Variants in MECR observed in about 807,000 individuals in gnomAD.
MECR encodes the protein mitochondrial trans-2-enoyl-CoA reductase.
A neutral mutation model predicts 49.1 loss-of-function variants in MECR; 37 were observed. The observed-to-expected ratio is 0.75, with a 90% CI of 0.58 to 0.99. The LOEUF is 0.99. Ranked by LOEUF, MECR falls within the 50% of genes least tolerant of loss-of-function variation. The pLI is 0.00. For missense variants in MECR, 470 were observed against 479.6 expected (o/e 0.98, Z 0.19); for synonymous variants, 198 against 191.1 (o/e 1.04, Z -0.30).
Position 29,216,128 on chromosome 1 carries a change from C to G in MECR, c.283G>C (p.Gly95Arg). 1 of 1,613,638 alleles carries G rather than the reference C, an allele frequency of 6.2e-7. No homozygotes were observed. Among genetic ancestry groups the G allele is most frequent in the African/African-American group, 1.3e-5 (1 of 75,002 alleles). Residue 95 changes from glycine (G) to arginine (R), a missense_variant, in exon 3 of 10, where the codon GGA becomes CGA. Physicochemically the swap from Gly to Arg is moderately radical, Grantham distance 125. Transcript: ENST00000263702. ...ACAGCAGGCAGTTCAGGAAGGAATC[C>G]GTAGTTTCCTGAGGGAGAAGAGCAT... Reference protein sequence around the residue: ...SDINMIQGNYGFLPELPAVGG... With the variant: ...SDINMIQGNYRFLPELPAVGG...
chr1:29,196,850 T>A (rs1281748168), intron 7 of MECR, among the ~76,000 whole-genome samples: 2 of 148,594 alleles, frequency 1.3e-5, no homozygotes, highest in Admixed American at 6.7e-5. Context: ...TAAATAATAA[T>A]AAAAAAAAAT....
Position 29,201,191 on chromosome 1 carries a change from G to A in MECR, c.757-602C>T, listed in dbSNP as rs1437438263. On this transcript the variant is annotated intron_variant, in intron 6 of 9. Coordinates refer to ENST00000263702, the MANE Select transcript of MECR (RefSeq NM_016011.5). The surrounding 1 kb of genome is among the most constrained non-coding windows in gnomAD (Gnocchi z 4.3). ...GGGAAAGAATAGGCAAAGGGCATCT[G>A]CATGCAGTTTGGTGGGTTTCAGCTC... Among the ~76,000 whole-genome samples, 1 of 152,260 alleles carries A rather than the reference G, an allele frequency of 6.6e-6. No homozygotes were observed. Among genetic ancestry groups the A allele is most frequent in the Non-Finnish European group, 1.5e-5 (1 of 68,050 alleles).
At chr1:29,195,642 T>A (rs778451919) in intron 9 of MECR, among the ~76,000 whole-genome samples, 1 of 152,214 alleles carries the variant, frequency 6.6e-6, no homozygotes, top group Non-Finnish European at 1.5e-5. Flanking sequence ...GGAAGCAGAA[T>A]TTGAACCCAG....
At chr1:29,175,686 C>T in the MECR span, among the ~76,000 whole-genome samples, 3 of 72,830 alleles carry the variant, frequency 4.1e-5, no homozygotes, top group South Asian at 7.2e-4. Context: ...CAGAGCCAGA[C>T]GCTGTCTCAA....
downstream of MECR, among the ~76,000 whole-genome samples, chr1:29,190,439 TAAG>T (rs1673099922): frequency 6.6e-6 from 1 of 151,064 alleles, no homozygotes; most frequent in African/African-American, 2.4e-5. Context: ...ACCACAGCTA[TAAG>T]GAGGGTGGAA....
chr1:29,180,408 C>T, the MECR span, among the ~76,000 whole-genome samples: 1 of 152,176 alleles, frequency 6.6e-6, no homozygotes, highest in African/African-American at 2.4e-5. Context: ...CTAAAGACGT[C>T]CTCAGAAAGA....
intron 4 of MECR, among the ~76,000 whole-genome samples, chr1:29,206,084 T>A (rs1448093872): frequency 6.6e-6 from 1 of 152,216 alleles, no homozygotes; most frequent in East Asian, 1.9e-4. Context: ...GGAAGAAGAA[T>A]ATAAGCAGCG....
chr1:29,195,789 G>A, intron 9 of MECR, 152 bp downstream of exon 9: 2 of 770,260 alleles, frequency 2.6e-6, no homozygotes, highest in East Asian at 2.6e-5. Context: ...ACTGTTTGCT[G>A]ACTGTAGCTG....
At chr1:29,195,193 C>A (rs12738007) in intron 9 of MECR, among the ~76,000 whole-genome samples, 1 of 151,978 alleles carries the variant, frequency 6.6e-6, no homozygotes, top group African/African-American at 2.4e-5. Context: ...GCCTCTGTAA[C>A]CTGGTCACAA....
At chr1:29,177,338 A>T in the MECR span, among the ~76,000 whole-genome samples, 2 of 150,594 alleles carry the variant, frequency 1.3e-5, no homozygotes, top group African/African-American at 2.5e-5. Context: ...CTGGAGTGCA[A>T]TGGCAGGATC....
At chr1:29,207,000 T>C in intron 3 of MECR, 95 bp from the exon 4 acceptor site, 1 of 1,394,228 alleles carries the variant, frequency 7.2e-7, no homozygotes, top group Non-Finnish European at 9.9e-7. Context: ...TCCAGGATAG[T>C]GGGTAGCATC....
the MECR span, among the ~76,000 whole-genome samples, chr1:29,174,675 GTTTTTTTTTT>G: frequency 7.7e-6 from 1 of 130,696 alleles, no homozygotes; most frequent in East Asian, 2.3e-4. Context: ...CAGGAGATAG[GTTTTTTTTTT>G]TTTTTTTTTG....
chr1:29,217,732 A>G (rs568637472), intron 1 of MECR, among the ~76,000 whole-genome samples: 3 of 152,322 alleles, frequency 2.0e-5, no homozygotes, highest in Admixed American at 2.0e-4. Flanking sequence ...GCTAGCTGAC[A>G]TGTCCTCCAC....
intron 8 of MECR, 28 bp from the exon 9 acceptor site, chr1:29,196,041 C>T (rs766948672): frequency 1.2e-6 from 2 of 1,613,266 alleles, no homozygotes. Flanking sequence ...ACATGCTGGG[C>T]TCTGAGGGCA....
At chr1:29,195,463 C>T (rs1673735434) in intron 9 of MECR, among the ~76,000 whole-genome samples, 1 of 152,176 alleles carries the variant, frequency 6.6e-6, no homozygotes, top group African/African-American at 2.4e-5. Context: ...TACCTCCCTG[C>T]AGGGAGGTGA....
At chr1:29,205,676 A>C (rs966027451) in intron 4 of MECR, among the ~76,000 whole-genome samples, 1 of 151,876 alleles carries the variant, frequency 6.6e-6, no homozygotes, top group Non-Finnish European at 1.5e-5. Context: ...CTAAAAATAC[A>C]AAAATTAGCC....
Position 29,194,205 on chromosome 1 carries a change from C to T in MECR, c.965-26G>A, listed in dbSNP as rs117406633. The T allele has an allele frequency of 5.6e-4, 890 of 1,580,250 alleles. 18 individuals are homozygous for T. In the East Asian group the frequency reaches 0.019, roughly 34 times the overall value. ...CTGCGGGAGGTTGGAGGAAATCAGACAAGAGAACAGCAGCTGGGGCTTGGT... is the reference window on the plus strand; with the variant it reads ...CTGCGGGAGGTTGGAGGAAATCAGATAAGAGAACAGCAGCTGGGGCTTGGT... On this transcript the variant is annotated intron_variant, in intron 9 of 9. Transcript: ENST00000263702.
intron 3 of MECR, among the ~76,000 whole-genome samples, chr1:29,210,757 A>G (rs577021434): frequency 6.6e-6 from 1 of 152,292 alleles, no homozygotes; most frequent in Admixed American, 6.5e-5. Context: ...TCTACCACTC[A>G]CTAGTGTGTG....
chr1:29,191,183 C>CGT, downstream of MECR, among the ~76,000 whole-genome samples: 1 of 152,200 alleles, frequency 6.6e-6, no homozygotes, highest in Middle Eastern at 3.2e-3. Flanking sequence ...GATCTTGAAG[C>CGT]GTGGTGTTAC....
Sources: gnomAD v4.1 joint callset for allele counts (sites outside exome capture counted in the v4.1 genomes callset) on GRCh38, gnomAD v4.1.1 for gene constraint, Gnocchi (gnomAD v3.1) non-coding constraint, MANE v1.5 for transcripts, NCBI Gene and HGNC (gene_info 2026-07-23, HGNC 2026-07-21) for gene names.